Variants in SVIL observed in about 807,000 individuals in gnomAD.
SVIL encodes archvillin.
In SVIL, 101 loss-of-function variants were observed where a neutral mutation model predicts 240.4. The observed-to-expected ratio is 0.42, with a 90% CI of 0.36 to 0.50. SVIL has a LOEUF of 0.50. Among genes scored for constraint, SVIL ranks in the 20% least tolerant of loss-of-function variants. The pLI, the probability that SVIL is intolerant of heterozygous loss-of-function variation, is 0.01. For missense variants in SVIL, 2,512 were observed against 2,818.7 expected (o/e 0.89, Z 2.46); for synonymous variants, 999 against 1,100.0 (o/e 0.91, Z 1.82).
chr10:29,585,179 C>T (rs1956116201), intron 1 of SVIL, among the ~76,000 whole-genome samples: 1 of 151,438 alleles, frequency 6.6e-6, no homozygotes, highest in Admixed American at 6.6e-5. Context: ...ATCTCCTGAG[C>T]TCCAGTGACC....
chr10:29,583,092 G>C (rs1956020765), intron 1 of SVIL, among the ~76,000 whole-genome samples: 1 of 152,134 alleles, frequency 6.6e-6, no homozygotes, highest in Admixed American at 6.5e-5. Flanking sequence ...ATGTCTGTTG[G>C]TACCAGATAG....
chr10:29,719,205 T>G (rs571532645), intron 1 of SVIL, among the ~76,000 whole-genome samples: 2 of 152,304 alleles, frequency 1.3e-5, no homozygotes, highest in East Asian at 3.9e-4. Flanking sequence ...AGGTTGCAAA[T>G]TTTTTGTGTG....
intron 1 of SVIL, among the ~76,000 whole-genome samples, chr10:29,728,606 AAG>A (rs1397971659): frequency 1.3e-5 from 2 of 152,126 alleles, no homozygotes; most frequent in Non-Finnish European, 2.9e-5. Flanking sequence ...CACTGTCAAA[AAG>A]GGGGAGGAAG....
At chr10:29,518,536 T>C (rs1479439981) in intron 16 of SVIL, among the ~76,000 whole-genome samples, 5 of 152,246 alleles carry the variant, frequency 3.3e-5, no homozygotes, top group Non-Finnish European at 4.4e-5. Flanking sequence ...GGGGATAATA[T>C]TGCTTTCTTC....
chr10:29,659,013 T>C (rs928748046), intron 2 of SVIL, among the ~76,000 whole-genome samples: 1 of 152,188 alleles, frequency 6.6e-6, no homozygotes, highest in African/African-American at 2.4e-5. Flanking sequence ...AATCTCTGCA[T>C]TTATTTTCCT....
Position 29,642,470 on chromosome 10 carries a change from C to CAAGAAAGAAAGAAA in SVIL, c.-201+15498_-201+15499insTTTCTTTCTTTCTT, listed in dbSNP as rs1564729823. Reference sequence around the variant, plus strand: ...AAGAAAGAAAGAAAGAAAGAAAGACCGACCCCTAATCATACTTCAAGCCTT... The same window carrying CAAGAAAGAAAGAAA: ...AAGAAAGAAAGAAAGAAAGAAAGACCAAGAAAGAAAGAAAGACCCCTAATCATACTTCAAGCCTT... On this transcript the variant is annotated intron_variant, in intron 3 of 35. Transcript: ENST00000375400. Among the ~76,000 whole-genome samples the CAAGAAAGAAAGAAA allele has an allele frequency of 1.9e-3, 129 of 69,522 alleles. 7 individuals carry two copies. Among genetic ancestry groups the CAAGAAAGAAAGAAA allele is most frequent in the South Asian group, 4.2e-3 (12 of 2,840 alleles). The allele number at this position is 69,522 out of a possible 152,430, so 45.6% of individuals were successfully genotyped here.
At chr10:29,490,553 A>G (rs1947846491) in intron 22 of SVIL, among the ~76,000 whole-genome samples, 1 of 149,540 alleles carries the variant, frequency 6.7e-6, no homozygotes. Flanking sequence ...GTTTGAGATG[A>G]GCCTGGGCAA....
At chr10:29,616,384 C>T (rs1248714485) in intron 1 of SVIL, among the ~76,000 whole-genome samples, 3 of 152,118 alleles carry the variant, frequency 2.0e-5, no homozygotes, top group African/African-American at 4.8e-5. Context: ...TTCTGAGGTT[C>T]GGGCAATTGT....
At chr10:29,558,951 A>C (rs1589250840) in intron 3 of SVIL, among the ~76,000 whole-genome samples, 1 of 147,848 alleles carries the variant, frequency 6.8e-6, no homozygotes, top group African/African-American at 2.5e-5. Flanking sequence ...ATATATAAAA[A>C]ATATGGTTTA....
upstream of SVIL, among the ~76,000 whole-genome samples, chr10:29,639,064 G>C (rs1450691197): frequency 6.6e-6 from 1 of 152,130 alleles, no homozygotes; most frequent in African/African-American, 2.4e-5. Context: ...TGAGTAGCTG[G>C]GATAACGAAA....
chr10:29,575,868 G>A (rs1955672104), intron 1 of SVIL, among the ~76,000 whole-genome samples: 1 of 152,066 alleles, frequency 6.6e-6, no homozygotes, highest in East Asian at 1.9e-4. Flanking sequence ...TGAGAAATAT[G>A]ACACATTGGA....
At chr10:29,692,531 A>G (rs931720507) in intron 1 of SVIL, among the ~76,000 whole-genome samples, 1 of 152,136 alleles carries the variant, frequency 6.6e-6, no homozygotes, top group African/African-American at 2.4e-5. Flanking sequence ...TGTTCAGGAG[A>G]GATCTGTGAT....
chr10:29,490,091 AC>A (rs1233585139), intron 22 of SVIL, among the ~76,000 whole-genome samples: 1 of 152,154 alleles, frequency 6.6e-6, no homozygotes, highest in Non-Finnish European at 1.5e-5. Flanking sequence ...GGCTCAGCCT[AC>A]AGTGAGACTG....
chr10:29,461,263 T>C (rs1005755957), intron 36 of SVIL, among the ~76,000 whole-genome samples: 18 of 152,184 alleles, frequency 1.2e-4, no homozygotes, highest in African/African-American at 4.3e-4. Context: ...ATAGAGCTCG[T>C]AATCCCTAGA....
Position 29,641,073 on chromosome 10 carries a change from G to A in SVIL, c.-201+16896C>T, listed in dbSNP as rs146062010. Among the ~76,000 whole-genome samples, 996 of 152,010 alleles carry A rather than the reference G, an allele frequency of 6.6e-3. 8 individuals are homozygous for A. Among genetic ancestry groups the A allele is most frequent in the Middle Eastern group, 0.01 (3 of 294 alleles). On this transcript the variant is annotated intron_variant, in intron 3 of 35. Coordinates refer to the SVIL transcript ENST00000375400. ...TTTTTATTTTTTAATCTAGCAAATC[G>A]TCCCAGATCCTGGCCCATATGGCAA...
intron 16 of SVIL, among the ~76,000 whole-genome samples, chr10:29,522,076 T>C (rs1199990028): frequency 9.9e-5 from 15 of 151,836 alleles, no homozygotes; most frequent in Non-Finnish European, 2.9e-5. Context: ...TTTCAGCTCC[T>C]GTCATTAGAT....
chr10:29,675,120 C>T (rs1960099298), intron 2 of SVIL, among the ~76,000 whole-genome samples: 1 of 152,132 alleles, frequency 6.6e-6, no homozygotes, highest in South Asian at 2.1e-4. Context: ...TTCTTCCTAC[C>T]CCACATATTG....
intron 36 of SVIL, 140 bp downstream of exon 36, chr10:29,462,137 T>C (rs1944329595): frequency 2.0e-5 from 22 of 1,116,542 alleles, no homozygotes; most frequent in Non-Finnish European, 2.8e-5. Context: ...GCAAATTCTA[T>C]GTAGGTTTGT....
chr10:29,689,572 C>T (rs1420861657), intron 1 of SVIL, among the ~76,000 whole-genome samples: 1 of 152,244 alleles, frequency 6.6e-6, no homozygotes, highest in Non-Finnish European at 1.5e-5. Context: ...GCGCGAGCCA[C>T]CGCGCCCAGC....
Sources: allele counts gnomAD v4.1 joint callset (sites outside exome capture counted in the v4.1 genomes callset), GRCh38; gene constraint gnomAD v4.1.1; transcripts MANE v1.5; gene names NCBI Gene and HGNC (gene_info 2026-07-23, HGNC 2026-07-21).